The following NDUFA10 variants were observed in gnomAD, a reference collection of about 807,000 sequenced individuals.
NDUFA10 encodes NADH:ubiquinone oxidoreductase subunit A10, also known as NADH dehydrogenase [ubiquinone] 1 alpha subcomplex subunit 10, mitochondrial.
Under a neutral mutation model 47.8 loss-of-function variants are expected in NDUFA10, and 40 were observed. That is an observed-to-expected ratio of 0.84 (90% CI 0.65 to 1.09). The LOEUF (loss-of-function observed/expected upper bound fraction) is 1.09. Among genes scored for constraint, NDUFA10 ranks in the 50% least tolerant of loss-of-function variants. The pLI, the probability that NDUFA10 is intolerant of heterozygous loss-of-function variation, is 0.00. For missense variants in NDUFA10, 413 were observed against 451.1 expected (o/e 0.92, Z 0.76); for synonymous variants, 183 against 172.2 (o/e 1.06, Z -0.49).
chr2:239,910,375 C>T (rs1388455743), intron 4 of NDUFA10, among the ~76,000 whole-genome samples: 1 of 152,166 alleles, frequency 6.6e-6, no homozygotes, highest in Non-Finnish European at 1.5e-5. Flanking sequence ...CCATGGAATA[C>T]TATGCAGCCA....
At chr2:240,011,363 C>T (rs1196700732) in intron 6 of NDUFA10, among the ~76,000 whole-genome samples, 7 of 152,162 alleles carry the variant, frequency 4.6e-5, no homozygotes, top group Non-Finnish European at 1.0e-4. Flanking sequence ...TTACTTCTAG[C>T]ATCAAAAAAC....
chr2:240,022,639 G>T (rs1697675210), intron 1 of NDUFA10, among the ~76,000 whole-genome samples: 1 of 150,214 alleles, frequency 6.7e-6, no homozygotes, highest in Admixed American at 6.7e-5. Context: ...TGGAGGGAGG[G>T]AGGGAGGGGT....
At chr2:240,014,902 C>A in intron 4 of NDUFA10, 42 bp from the exon 5 acceptor site, 1 of 1,613,630 alleles carries the variant, frequency 6.2e-7, no homozygotes, top group East Asian at 2.2e-5. Flanking sequence ...TACCAGTCCC[C>A]ACACGGGTTT....
chr2:239,952,946 G>A (rs77315516), downstream of NDUFA10, among the ~76,000 whole-genome samples: 21 of 152,336 alleles, frequency 1.4e-4, no homozygotes, highest in Middle Eastern at 3.4e-3. Flanking sequence ...CTCCAGCCAC[G>A]TGGGAGGTAA....
intron 4 of NDUFA10, among the ~76,000 whole-genome samples, chr2:239,950,377 C>A (rs1694531286): frequency 6.6e-6 from 1 of 152,236 alleles, no homozygotes; most frequent in Non-Finnish European, 1.5e-5. Context: ...GGGCTCCCGA[C>A]CCACCACCTT....
At chr2:239,935,205 T>C (rs1694243304) in intron 4 of NDUFA10, among the ~76,000 whole-genome samples, 1 of 152,212 alleles carries the variant, frequency 6.6e-6, no homozygotes, top group Admixed American at 6.5e-5. Context: ...TGGGCAAGTA[T>C]TGGAAGGCCC....
chr2:239,978,537 G>A (rs1282758278), intron 9 of NDUFA10, among the ~76,000 whole-genome samples: 3 of 152,120 alleles, frequency 2.0e-5, no homozygotes, highest in African/African-American at 4.8e-5. Flanking sequence ...GACCAACCCC[G>A]ATTGGATCAC....
chr2:240,014,545 C>G, intron 5 of NDUFA10, 194 bp downstream of exon 5: 1 of 811,902 alleles, frequency 1.2e-6, no homozygotes, highest in Non-Finnish European at 2.0e-6. Flanking sequence ...GGCCCGCAGG[C>G]TGTGGCACCA....
intron 4 of NDUFA10, among the ~76,000 whole-genome samples, chr2:239,944,165 G>A (rs1574795850): frequency 6.6e-6 from 1 of 152,092 alleles, no homozygotes; most frequent in African/African-American, 2.4e-5. Context: ...GGAGGCACAT[G>A]ACTCAGCCCA....
chr2:240,021,455 C>A, intron 2 of NDUFA10, 43 bp from the exon 3 acceptor site: 1 of 1,566,274 alleles, frequency 6.4e-7, no homozygotes, highest in East Asian at 2.2e-5. Flanking sequence ...GCACATCACT[C>A]ACTCCCCGCA....
chr2:239,969,587 A>G (rs546006633), intron 9 of NDUFA10: 1 of 465,018 alleles, frequency 2.2e-6, no homozygotes, highest in East Asian at 7.0e-5. Flanking sequence ...TAGGACACTC[A>G]TCAGCCTGGC....
intron 5 of NDUFA10, chr2:240,012,762 T>C (rs918209739): frequency 1.3e-5 from 2 of 152,366 alleles, no homozygotes; most frequent in Non-Finnish European, 2.9e-5. Context: ...GAAAGGATGA[T>C]ACAGGCAATG....
intron 4 of NDUFA10, among the ~76,000 whole-genome samples, chr2:239,911,005 C>G (rs533992819): frequency 1.3e-5 from 2 of 152,200 alleles, no homozygotes; most frequent in Non-Finnish European, 2.9e-5. Flanking sequence ...AGTCACACTG[C>G]GTGTTTCCCC....
At chr2:239,944,378 G>A (rs1242232271) in intron 4 of NDUFA10, among the ~76,000 whole-genome samples, 8 of 152,208 alleles carry the variant, frequency 5.3e-5, no homozygotes, top group Non-Finnish European at 2.9e-5. Flanking sequence ...AGCGCCGCAG[G>A]CTGAGATCCC....
intron 9 of NDUFA10, among the ~76,000 whole-genome samples, chr2:239,986,026 C>T (rs1297869911): frequency 6.6e-6 from 1 of 151,564 alleles, no homozygotes; most frequent in Admixed American, 6.6e-5. Context: ...CCTACTTACA[C>T]AACACACACC....
intron 8 of NDUFA10, among the ~76,000 whole-genome samples, chr2:240,002,209 T>C (rs970945918): frequency 2.0e-5 from 3 of 151,738 alleles, no homozygotes; most frequent in Admixed American, 6.6e-5. Flanking sequence ...TGCATGCCTA[T>C]AATCCCATCT....
intron 4 of NDUFA10, among the ~76,000 whole-genome samples, chr2:239,903,024 G>A (rs1300950912): frequency 5.3e-5 from 8 of 152,286 alleles, no homozygotes; most frequent in Admixed American, 1.3e-4. Flanking sequence ...TTTCACAGAC[G>A]TGGAAAGGCA....
At chr2:239,964,645 C>T (rs866606038) in intron 9 of NDUFA10, among the ~76,000 whole-genome samples, 16 of 152,058 alleles carry the variant, frequency 1.1e-4, no homozygotes, top group African/African-American at 3.6e-4. Flanking sequence ...AACACAAACC[C>T]GGAGGGAGGG....
At position 240,016,151 on chromosome 2, in the gene NDUFA10, G is replaced by A. The variant is rs369587440; in HGVS notation, c.548-1291C>T. On this transcript the variant is annotated intron_variant, in intron 4 of 9. Coordinates refer to ENST00000252711, the MANE Select transcript of NDUFA10 (RefSeq NM_004544.4). This position sits in a 1 kb window ranked among gnomAD's most constrained non-coding sequence, Gnocchi z 4.4. ...GAGCCTTTGGCTCAGGGTCAGGAACGGCACGAGCTAAAGAACAAGGAAGAC... is the reference window on the plus strand; with the variant it reads ...GAGCCTTTGGCTCAGGGTCAGGAACAGCACGAGCTAAAGAACAAGGAAGAC... 4.6e-5 allele frequency among the ~76,000 whole-genome samples: 7 copies of A among 152,308 alleles called. No individual in the cohort carries two copies. Among genetic ancestry groups the A allele is most frequent in the East Asian group, 3.9e-4 (2 of 5,182 alleles).
Sources: allele counts gnomAD v4.1 joint callset (sites outside exome capture counted in the v4.1 genomes callset), GRCh38; gene constraint gnomAD v4.1.1; non-coding constraint Gnocchi (gnomAD v3.1); transcripts MANE v1.5; gene names NCBI Gene and HGNC (gene_info 2026-07-23, HGNC 2026-07-21).